SPAG16: variants seen among roughly 807,000 people sequenced by gnomAD.
SPAG16 encodes sperm associated antigen 16.
SPAG16 carries 86 observed loss-of-function variants against 80.4 expected under a neutral mutation model. The ratio of observed to expected loss-of-function variants is 1.07; its 90% CI spans 0.90 to 1.28. The LOEUF (loss-of-function observed/expected upper bound fraction) is 1.28, where lower values mean the gene tolerates loss of function less well. Among genes scored for constraint, SPAG16 ranks in the 50% most tolerant of loss-of-function variants. The pLI, the probability that SPAG16 is intolerant of heterozygous loss-of-function variation, is 0.00. For synonymous variants in SPAG16, 294 were observed against 265.9 expected, an observed-to-expected ratio of 1.11 and a Z score of -1.03; for missense variants, 870 against 765.3, an observed-to-expected ratio of 1.14 and a Z score of -1.61.
chr2:214,346,855 A>C (rs1230197981), intron 15 of SPAG16, among the ~76,000 whole-genome samples: 1 of 152,188 alleles, frequency 6.6e-6, no homozygotes, highest in Non-Finnish European at 1.5e-5. Context: ...AAACTACTGA[A>C]TGATCTCTGT....
chr2:213,467,892 G>A (rs545239920), intron 9 of SPAG16, among the ~76,000 whole-genome samples: 38 of 152,346 alleles, frequency 2.5e-4, no homozygotes, highest in African/African-American at 7.9e-4. Flanking sequence ...GAGTTATCAG[G>A]TGCATCTCAG....
At chr2:214,341,093 T>A (rs1697657027) in intron 15 of SPAG16, among the ~76,000 whole-genome samples, 1 of 152,176 alleles carries the variant, frequency 6.6e-6, no homozygotes, top group Admixed American at 6.5e-5. Context: ...AAAAATTTTT[T>A]TGCATAGTGC....
At chr2:214,361,708 C>T (rs978341163) in intron 15 of SPAG16, among the ~76,000 whole-genome samples, 5 of 151,958 alleles carry the variant, frequency 3.3e-5, no homozygotes, top group Admixed American at 3.3e-4. Flanking sequence ...TCAGAGACAA[C>T]ATCCCCACTT....
intron 9 of SPAG16, among the ~76,000 whole-genome samples, chr2:213,432,446 A>T (rs2125489861): frequency 6.6e-6 from 1 of 152,278 alleles, no homozygotes; most frequent in South Asian, 2.1e-4. Context: ...AGATCACCGG[A>T]GACAACCATG....
At chr2:213,358,302 C>G (rs2065784641) in intron 7 of SPAG16, among the ~76,000 whole-genome samples, 1 of 152,156 alleles carries the variant, frequency 6.6e-6, no homozygotes, top group Non-Finnish European at 1.5e-5. Context: ...GAATGTTGGC[C>G]TGCCTTGCTA....
intron 9 of SPAG16, chr2:213,396,626 C>A (rs777358584): frequency 2.2e-6 from 1 of 456,012 alleles, no homozygotes; most frequent in African/African-American, 2.0e-5. Context: ...GGAATAAGAC[C>A]GTACCTCTGC....
At chr2:213,317,452 T>G (rs2063445876) in intron 5 of SPAG16, 96 bp downstream of exon 5, 1 of 1,371,940 alleles carries the variant, frequency 7.3e-7, no homozygotes, top group African/African-American at 1.4e-5. Context: ...AGAGCCTTAA[T>G]TTTTGAAAAC....
intron 11 of SPAG16, among the ~76,000 whole-genome samples, chr2:213,896,182 G>C (rs138378718): frequency 2.6e-5 from 4 of 151,716 alleles, no homozygotes; most frequent in East Asian, 1.9e-4. Flanking sequence ...ATGGCCAAAA[G>C]GTATATGAAA....
At chr2:213,936,861 A>G (rs993463887) in intron 12 of SPAG16, among the ~76,000 whole-genome samples, 2 of 152,088 alleles carry the variant, frequency 1.3e-5, no homozygotes, top group African/African-American at 4.8e-5. Context: ...TCCTAGCATC[A>G]CTTCCTTTTT....
chr2:214,376,102 TA>T (rs573996717), intron 15 of SPAG16, among the ~76,000 whole-genome samples: 1 of 151,572 alleles, frequency 6.6e-6, no homozygotes, highest in African/African-American at 2.4e-5. Context: ...AGTTTTTAGA[TA>T]AAAAAGAAGA....
At chr2:213,889,715 A>G (rs2076711860) in intron 11 of SPAG16, among the ~76,000 whole-genome samples, 1 of 135,898 alleles carries the variant, frequency 7.4e-6, no homozygotes, top group South Asian at 2.5e-4. Flanking sequence ...ATATATACAT[A>G]TGCATATATA....
At chr2:213,813,741 C>T (rs549265364) in intron 10 of SPAG16, among the ~76,000 whole-genome samples, 1 of 152,130 alleles carries the variant, frequency 6.6e-6, no homozygotes, top group African/African-American at 2.4e-5. Flanking sequence ...AGTTCAAATT[C>T]TCCAGTTTTG....
chr2:214,288,124 TC>T (rs1217631716), intron 15 of SPAG16, among the ~76,000 whole-genome samples: 1 of 150,182 alleles, frequency 6.7e-6, no homozygotes, highest in Non-Finnish European at 1.5e-5. Context: ...ATTCTCTGTC[TC>T]CATGAGATCA....
intron 5 of SPAG16, chr2:213,317,799 A>C: frequency 1.1e-6 from 1 of 892,070 alleles, no homozygotes; most frequent in African/African-American, 1.8e-5. Flanking sequence ...TTTGGGTGAT[A>C]ATGATATGTA....
chr2:213,888,280 TATATTTTCTGACAA>T (rs1172759753), intron 11 of SPAG16, among the ~76,000 whole-genome samples: 2 of 152,000 alleles, frequency 1.3e-5, no homozygotes, highest in South Asian at 2.1e-4. Flanking sequence ...GTTTATAAGT[TATATTTTCTGACAA>T]AGCTCCTGTT....
intron 12 of SPAG16, among the ~76,000 whole-genome samples, chr2:213,985,795 A>T (rs1376626049): frequency 6.6e-6 from 1 of 152,054 alleles, no homozygotes; most frequent in Non-Finnish European, 1.5e-5. Flanking sequence ...GAAAAATAGA[A>T]AGACAGACAA....
intron 12 of SPAG16, among the ~76,000 whole-genome samples, chr2:214,013,081 A>G (rs996898193): frequency 7.2e-5 from 11 of 152,170 alleles, no homozygotes; most frequent in African/African-American, 2.4e-4. Flanking sequence ...GCATATTATA[A>G]TTACCAGGAG....
intron 8 of SPAG16, 54 bp downstream of exon 8, chr2:213,364,199 A>G (rs1437564344): frequency 2.9e-6 from 3 of 1,044,244 alleles, no homozygotes; most frequent in African/African-American, 3.3e-5. Context: ...TGATTTCTCA[A>G]CCTTATCAGT....
intron 10 of SPAG16, among the ~76,000 whole-genome samples, chr2:213,536,934 C>G (rs975766754): frequency 1.3e-5 from 2 of 151,832 alleles, no homozygotes; most frequent in Non-Finnish European, 2.9e-5. Context: ...CAATGATAGA[C>G]TGGATTAAGA....
Sources: allele counts gnomAD v4.1 joint callset (sites outside exome capture counted in the v4.1 genomes callset), GRCh38; gene constraint gnomAD v4.1.1; transcripts MANE v1.5; gene names NCBI Gene and HGNC (gene_info 2026-07-23, HGNC 2026-07-21).